Variants in TCP1 observed in about 807,000 individuals in gnomAD.
TCP1 encodes the protein T-complex protein 1 subunit alpha.
TCP1 carries 6 observed loss-of-function variants against 54.7 expected under a neutral mutation model. The observed-to-expected ratio is 0.11, with a 90% CI of 0.06 to 0.22. The LOEUF (loss-of-function observed/expected upper bound fraction) is 0.22, where lower values mean the gene tolerates loss of function less well. TCP1 is among the 10% of genes least tolerant of loss of function. TCP1 has a pLI of 1.00. For missense variants in TCP1, 511 were observed against 678.2 expected (o/e 0.75, Z 2.74); for synonymous variants, 225 against 229.7 (o/e 0.98, Z 0.19).
At chr6:159,788,859 G>A (rs778781974) in intron 1 of TCP1, 17 of 153,232 alleles carry the variant, frequency 1.1e-4, no homozygotes, top group Non-Finnish European at 5.8e-5. Context: ...TGGGGTCAAT[G>A]CACTCGAGTG....
chr6:159,788,963 G>A (rs996081628), intron 1 of TCP1: 5 of 158,894 alleles, frequency 3.1e-5, no homozygotes, highest in African/African-American at 1.2e-4. Flanking sequence ...CGGGCGGACA[G>A]GGCACCGGGC....
At chr6:159,783,584 T>C (rs1780625822) in intron 7 of TCP1, among the ~76,000 whole-genome samples, 1 of 152,058 alleles carries the variant, frequency 6.6e-6, no homozygotes, top group Non-Finnish European at 1.5e-5. Flanking sequence ...GGCAGTCAAA[T>C]CTATAGCAAT....
chr6:159,781,130 C>T lies in TCP1; in HGVS notation c.798-20G>A. The stretch of plus-strand genomic sequence containing the variant: ...GATTCTCTGCAAAGTATTTTTGTAA[C>T]CTGAGTTACCTTCTGTGATTTTTAA... On this transcript the variant is annotated intron_variant, in intron 7 of 11. Coordinates refer to ENST00000321394, the MANE Select transcript of TCP1 (RefSeq NM_030752.3). The T allele has an allele frequency of 6.5e-7, 1 of 1,547,162 alleles. No homozygotes were observed.
At chr6:159,786,905 T>C (rs1448038310) in intron 3 of TCP1, among the ~76,000 whole-genome samples, 6 of 152,148 alleles carry the variant, frequency 3.9e-5, no homozygotes, top group Non-Finnish European at 1.5e-5. Flanking sequence ...TATTTATTAA[T>C]TTCTCACACT....
intron 3 of TCP1, 90 bp downstream of exon 3, chr6:159,787,653 G>A: frequency 3.4e-6 from 5 of 1,475,960 alleles, no homozygotes; most frequent in Non-Finnish European, 4.6e-6. Flanking sequence ...ACTTATTTCT[G>A]ACACAGCACA....
intron 3 of TCP1, among the ~76,000 whole-genome samples, chr6:159,787,026 T>TGAGGCCAG (rs1352011361): frequency 6.8e-6 from 1 of 146,982 alleles, no homozygotes; most frequent in Non-Finnish European, 1.5e-5. Context: ...GAGGATCACT[T>TGAGGCCAG]GAGGCCAGGA....
chr6:159,779,339 G>T, intron 11 of TCP1, 78 bp from the exon 12 acceptor site: 1 of 1,298,838 alleles, frequency 7.7e-7, no homozygotes, highest in Non-Finnish European at 1.1e-6. Flanking sequence ...TTTCATTCAA[G>T]TATTAAGGTT....
intron 7 of TCP1, 108 bp downstream of exon 7, chr6:159,783,832 CA>C: frequency 7.0e-7 from 1 of 1,435,132 alleles, no homozygotes; most frequent in African/African-American, 1.4e-5. Context: ...CCTCTAAAAA[CA>C]CCACCAGGCT....
intron 6 of TCP1, 105 bp from the exon 7 acceptor site, chr6:159,784,172 T>C: frequency 7.3e-7 from 1 of 1,375,062 alleles, no homozygotes; most frequent in Non-Finnish European, 9.6e-7. Context: ...ACTAATTCAT[T>C]GCATTTTATC....
rs1780799872 is a variant in TCP1, at chr6:159,789,522, C to T, written c.-54G>A. On this transcript the variant is annotated 5_prime_UTR_variant, in exon 1 of 12. Coordinates refer to ENST00000321394, the MANE Select transcript of TCP1 (RefSeq NM_030752.3). ...TGCTTACACCGCGGGCAACCAGTATCGCGGCCCCTCGGCCGACCGGCGACC... is the reference window on the plus strand; with the variant it reads ...TGCTTACACCGCGGGCAACCAGTATTGCGGCCCCTCGGCCGACCGGCGACC... The T allele has an allele frequency of 3.1e-6, 5 of 1,607,772 alleles. No homozygotes were observed. Among genetic ancestry groups the T allele is most frequent in the Non-Finnish European group, 4.3e-6 (5 of 1,175,906 alleles).
Position 159,785,974 on chromosome 6 carries a change from TAGG to T in TCP1, c.300_302del (p.Leu101del). 6.2e-7 allele frequency: 1 copy of T among 1,613,958 alleles called. No homozygotes were observed. The highest frequency in any genetic ancestry group is 1.3e-5 in the African/African-American group (1 of 75,060). ...GTTTGACTAATTCATCTGCATTTTT[TAGG>T]AGTTCTGCTGCAATAATAACCTGTT... On this transcript the variant is annotated inframe_deletion, in exon 4 of 12. Coordinates refer to ENST00000321394, the MANE Select transcript of TCP1 (RefSeq NM_030752.3).
rs780418805 is a variant in TCP1, at chr6:159,788,013, T to C, written c.150+45A>G. 45 of 1,607,484 alleles carry C rather than the reference T, an allele frequency of 2.8e-5. No individual in the cohort carries two copies. In the South Asian group the frequency reaches 3.0e-4, roughly 11 times the overall value. ...AAAGAACATAGCAAAACACTGAAGA[T>C]AGTTTTACTTTAAGGAAACTAACAC... On this transcript the variant is annotated intron_variant, in intron 2 of 11. Coordinates refer to ENST00000321394, the MANE Select transcript of TCP1 (RefSeq NM_030752.3).
Position 159,779,254 on chromosome 6 carries a change from G to C in TCP1, c.1462C>G (p.Leu488Val). The stretch of plus-strand genomic sequence containing the variant: ...CGAGGTTTACCATTGCTCAAATCAA[G>C]ACCAATCCTGCAATTAAGAAAGAAT... Reference protein sequence around the residue: ...PERKNLKWIGLDLSNGKPRDN... With the variant: ...PERKNLKWIGVDLSNGKPRDN... Residue 488 changes from leucine (L) to valine (V), a missense_variant, in exon 12 of 12, where the codon CTT becomes GTT. Leu to Val is a conservative substitution (Grantham distance 32). Coordinates refer to ENST00000321394, the MANE Select transcript of TCP1 (RefSeq NM_030752.3). The C allele has an allele frequency of 6.2e-7, 1 of 1,612,894 alleles. No homozygotes were observed. The highest frequency in any genetic ancestry group is 8.5e-7 in the Non-Finnish European group (1 of 1,179,306).
intron 5 of TCP1, 57 bp from the exon 6 acceptor site, chr6:159,784,904 G>A: frequency 2.6e-6 from 4 of 1,551,578 alleles, no homozygotes; most frequent in Non-Finnish European, 3.5e-6. Flanking sequence ...GTACACACGT[G>A]AAAAATCAAG....
chr6:159,784,007 G>C lies in TCP1; in HGVS notation c.731C>G (p.Thr244Arg). The C allele has an allele frequency of 6.2e-7, 1 of 1,613,360 alleles. No individual in the cohort carries two copies. Among genetic ancestry groups the C allele is most frequent in the Non-Finnish European group, 8.5e-7 (1 of 1,179,910 alleles). Residue 244 changes from threonine (T) to arginine (R), a missense_variant, in exon 7 of 12, where the codon ACA (threonine) becomes AGA (arginine). Thr to Arg is a moderately conservative substitution (Grantham distance 71, BLOSUM62 -1). Coordinates refer to ENST00000321394, the MANE Select transcript of TCP1 (RefSeq NM_030752.3). The stretch of plus-strand genomic sequence containing the variant: ...CACCTGTACACCAAGCTTCATTTTT[G>C]TTTTTTGCAGGCTGAAGTCAAGGCA... ...IACLDFSLQK[T>R]KMKLGVQVVI...
In TCP1 at chr6:159,780,052, C is replaced by T. The variant is rs763323295; in HGVS notation, c.1133G>A (p.Arg378His). 1 of 1,614,014 alleles carries T rather than the reference C, an allele frequency of 6.2e-7. No individual in the cohort carries two copies. Among genetic ancestry groups the T allele is most frequent in the Non-Finnish European group, 8.5e-7 (1 of 1,180,008 alleles). ...KARTSASIILRGANDFMCDEM... is the reference protein window; with the variant it reads ...KARTSASIILHGANDFMCDEM... ...ATCACACATGAAATCATTTGCCCCA[C>T]GTAAGATAATCGATGCAGACGTACG... The change falls in exon 10 of 12, where the codon CGT becomes CAT. Residue 378 changes from arginine (R) to histidine (H), a missense_variant. Transcript: ENST00000321394.
chr6:159,778,517 A>G lies in TCP1; in HGVS notation c.*528T>C. The G allele has an allele frequency of 1.0e-6, 1 of 969,000 alleles. No individual in the cohort carries two copies. Among genetic ancestry groups the G allele is most frequent in the Non-Finnish European group, 1.5e-6 (1 of 670,244 alleles). 60.0% of individuals were successfully genotyped at this position (969,000 alleles called of 1,614,324 possible). On this transcript the variant is annotated 3_prime_UTR_variant, in exon 12 of 12. Coordinates refer to ENST00000321394, the MANE Select transcript of TCP1 (RefSeq NM_030752.3). ...CAGGGATGAATTTTCACAAAGGTGT[A>G]AATTTATTCCTAAGCAGTTAAAATG...
At chr6:159,787,081 A>AAAAAAAAG (rs1554269424) in intron 3 of TCP1, among the ~76,000 whole-genome samples, 1 of 151,072 alleles carries the variant, frequency 6.6e-6, no homozygotes, top group African/African-American at 2.4e-5. Context: ...TGTCTCTTAA[A>AAAAAAAAG]AAAAAAAAAA....
chr6:159,784,776 T>A lies in TCP1; in HGVS notation c.560A>T (p.Gln187Leu), dbSNP rs1177116819. ...LAIKYTDIRG[Q>L]PRYPVNSVNI... ...AACAGAGTTGACTGGATAGCGTGGC[T>A]GGCCTCTTATGTCTGTGTATTTAAT... The change falls in exon 6 of 12, where the codon CAG becomes CTG. Residue 187 changes from glutamine to leucine, a missense_variant. This residue lies in a region of TCP1 where 305 missense variants were observed against 352.8 expected (regional missense o/e 0.86). Transcript: ENST00000321394. 1.2e-6 allele frequency: 2 copies of A among 1,614,240 alleles called. No individual in the cohort carries two copies. The highest frequency in any genetic ancestry group is 2.2e-5 in the South Asian group (2 of 91,086).
Sources: gnomAD v4.1 joint callset for allele counts (sites outside exome capture counted in the v4.1 genomes callset) on GRCh38, gnomAD v4.1.1 for gene constraint, gnomAD v4.1.1 regional missense constraint, MANE v1.5 for transcripts, NCBI Gene and HGNC (gene_info 2026-07-23, HGNC 2026-07-21) for gene names.